SLU7: variants seen among roughly 807,000 people sequenced by gnomAD.
The protein encoded by SLU7 is spliceosome associated SLU7, also known as pre-mRNA-splicing factor SLU7.
In SLU7, 60 loss-of-function variants were observed where a neutral mutation model predicts 87.0. That is an observed-to-expected ratio of 0.69 (90% confidence interval 0.56 to 0.86). SLU7 has a LOEUF of 0.86. SLU7 is among the 40% of genes least tolerant of loss of function. The pLI is 0.00. For missense variants in SLU7, 507 were observed against 686.6 expected (o/e 0.74, Z 2.92); for synonymous variants, 197 against 222.0 (o/e 0.89, Z 1.00).
At chr5:160,403,704 A>C (rs920145424) in intron 15 of SLU7, among the ~76,000 whole-genome samples, 1 of 152,248 alleles carries the variant, frequency 6.6e-6, no homozygotes, top group African/African-American at 2.4e-5. Flanking sequence ...ATGTTGAAGA[A>C]ATTTTATTTA....
intron 1 of SLU7, among the ~76,000 whole-genome samples, chr5:160,417,953 A>G (rs536245748): frequency 3.9e-5 from 6 of 152,132 alleles, no homozygotes; most frequent in African/African-American, 1.4e-4. Context: ...TACTAACTAC[A>G]TAGACCTTCT....
intron 1 of SLU7, among the ~76,000 whole-genome samples, chr5:160,416,628 C>G (rs114411415): frequency 2.0e-5 from 3 of 152,200 alleles, no homozygotes; most frequent in Non-Finnish European, 2.9e-5. Flanking sequence ...CTACATCTAT[C>G]TCATCACTAA....
At chr5:160,405,549 GGA>G (rs1252404450) in intron 12 of SLU7, among the ~76,000 whole-genome samples, 1 of 150,748 alleles carries the variant, frequency 6.6e-6, no homozygotes, top group African/African-American at 2.4e-5. Flanking sequence ...GCTCCTATAG[GGA>G]GTTAGGTTTT....
chr5:160,410,325 C>T (rs1225054621), intron 6 of SLU7, among the ~76,000 whole-genome samples: 2 of 151,708 alleles, frequency 1.3e-5, no homozygotes, highest in Admixed American at 6.6e-5. Context: ...TTTGAGTTCC[C>T]ACTATTTGCT....
intron 11 of SLU7, 61 bp from the exon 12 acceptor site, chr5:160,406,690 A>C: frequency 8.0e-7 from 1 of 1,252,372 alleles, no homozygotes; most frequent in South Asian, 1.5e-5. Context: ...TTAAATTTCC[A>C]GAAAACATTT....
intron 12 of SLU7, 64 bp downstream of exon 12, chr5:160,406,404 G>A (rs1765014433): frequency 8.3e-7 from 1 of 1,202,252 alleles, no homozygotes; most frequent in Non-Finnish European, 1.1e-6. Context: ...TAAAGTTGTA[G>A]TGGAAAAATG....
Position 160,415,231 on chromosome 5 carries a change from A to T in SLU7, c.64T>A (p.Leu22Met). Residue 22 changes from leucine (L) to methionine (M), a missense_variant, in exon 2 of 16, where the codon TTG becomes ATG. This residue lies in a region of SLU7 where 33 missense variants were observed against 37.3 expected (regional missense o/e 0.88). Coordinates refer to ENST00000297151, the MANE Select transcript of SLU7 (RefSeq NM_006425.5). ...CTGGTCATCTTCTTTGGTTCTTCCA[A>T]ACTCATTTCTTTGGACCCCGATAGG... Reference protein sequence around the residue: ...APLSGSKEMSLEEPKKMTRED... With the variant: ...APLSGSKEMSMEEPKKMTRED... 1 of 1,610,714 alleles carries T rather than the reference A, an allele frequency of 6.2e-7. No homozygotes were observed. The highest frequency in any genetic ancestry group is 8.5e-7 in the Non-Finnish European group (1 of 1,178,642).
intron 6 of SLU7, among the ~76,000 whole-genome samples, chr5:160,410,616 TTACA>T (rs1283190105): frequency 4.6e-5 from 7 of 152,086 alleles, no homozygotes; most frequent in Admixed American, 4.6e-4. Flanking sequence ...CATTAGCCCC[TTACA>T]TACATTAAGT....
chr5:160,407,451 T>C lies in SLU7; in HGVS notation c.1125+25A>G, dbSNP rs1765057765. ...GTAACTTCTCTTTAACAGAAGTTCTTCTTTAGCATTTTGGTCAAAATTACC... is the reference window on the plus strand; with the variant it reads ...GTAACTTCTCTTTAACAGAAGTTCTCCTTTAGCATTTTGGTCAAAATTACC... On this transcript the variant is annotated intron_variant, in intron 11 of 15. Transcript: ENST00000297151. This position sits in a 1 kb window ranked among gnomAD's most constrained non-coding sequence, Gnocchi z 4.2. The C allele has an allele frequency of 6.3e-7, 1 of 1,591,220 alleles. No homozygotes were observed. The highest frequency in any genetic ancestry group is 8.5e-7 in the Non-Finnish European group (1 of 1,171,988).
At chr5:160,416,537 G>A (rs1765463981) in intron 1 of SLU7, among the ~76,000 whole-genome samples, 1 of 152,094 alleles carries the variant, frequency 6.6e-6, no homozygotes, top group Non-Finnish European at 1.5e-5. Context: ...TCTTCCCTCT[G>A]AAATCTAATC....
intron 15 of SLU7, among the ~76,000 whole-genome samples, chr5:160,403,694 A>G (rs1474385687): frequency 3.3e-5 from 5 of 152,224 alleles, no homozygotes; most frequent in Non-Finnish European, 5.9e-5. Flanking sequence ...TTTTAAATCA[A>G]TGTTGAAGAA....
Position 160,402,422 on chromosome 5 carries a change from G to C in SLU7, c.*863C>G, listed in dbSNP as rs919971035. 5 of 152,134 alleles carry C rather than the reference G, an allele frequency of 3.3e-5. No homozygotes were observed. The highest frequency in any genetic ancestry group is 6.5e-5 in the Admixed American group (1 of 15,286). 9.4% of individuals were successfully genotyped at this position (152,134 alleles called of 1,614,324 possible). A position where few individuals can be genotyped will look rare whatever the true frequency, so the allele number is the denominator to read the frequency against. On this transcript the variant is annotated 3_prime_UTR_variant, in exon 16 of 16. Transcript: ENST00000297151. ...AGTCTACTCCAGAGGCCAAGGAAGAGAGAATCGCTTGAGCCCAAGACTGCA... is the reference window on the plus strand; with the variant it reads ...AGTCTACTCCAGAGGCCAAGGAAGACAGAATCGCTTGAGCCCAAGACTGCA...
At chr5:160,406,166 T>A (rs1765000873) in intron 12 of SLU7, among the ~76,000 whole-genome samples, 1 of 152,234 alleles carries the variant, frequency 6.6e-6, no homozygotes, top group South Asian at 2.1e-4. Flanking sequence ...ATAAACTATA[T>A]GTGTGTATAT....
intron 2 of SLU7, among the ~76,000 whole-genome samples, chr5:160,414,872 G>C (rs1178598721): frequency 1.3e-5 from 2 of 152,140 alleles, no homozygotes; most frequent in African/African-American, 4.8e-5. Context: ...ACTCAAAATA[G>C]AAAGATTTCA....
Position 160,414,430 on chromosome 5 carries a change from T to A in SLU7, c.213A>T (p.Pro71=). Residue 71 remains proline (P), a synonymous_variant, in exon 3 of 16, where the codon CCA becomes CCT. Coordinates refer to ENST00000297151, the MANE Select transcript of SLU7 (RefSeq NM_006425.5). The part of the protein sequence containing the change: ...PHIPQYISSV[P]WYIDPSKRPT... ...GTCTTTTTGAAGGATCAATATACCA[T>A]GGCACTGAAGAAATATACTGAGGAA... is the stretch of plus-strand genomic sequence containing the variant. 1 of 1,607,644 alleles carries A rather than the reference T, an allele frequency of 6.2e-7. No homozygotes were observed. Among genetic ancestry groups the A allele is most frequent in the South Asian group, 1.1e-5 (1 of 90,414 alleles).
chr5:160,415,647 G>A (rs1293004317), intron 1 of SLU7, among the ~76,000 whole-genome samples: 1 of 152,094 alleles, frequency 6.6e-6, no homozygotes, highest in East Asian at 1.9e-4. Flanking sequence ...TCCTATCTCT[G>A]TACCCCTTCA....
At chr5:160,403,495 A>G in intron 15 of SLU7, 31 bp from the exon 16 acceptor site, 2 of 1,547,214 alleles carry the variant, frequency 1.3e-6, no homozygotes, top group South Asian at 2.5e-5. Flanking sequence ...TGTGTATCAC[A>G]GCTCTACATC....
intron 6 of SLU7, among the ~76,000 whole-genome samples, chr5:160,409,788 C>A (rs550662572): frequency 2.0e-5 from 3 of 152,090 alleles, no homozygotes; most frequent in Admixed American, 2.0e-4. Context: ...CGTTTCCTAA[C>A]TTTTTTGATT....
rs200289119 is a variant in SLU7 at position 160,413,341 on chromosome 5, T to C, written c.570+115A>G. ...GGTAGCCTATACAGTAGTACTACTA[T>C]TATAAAAATGCTACCATTTTTAAAG... is the stretch of plus-strand genomic sequence containing the variant. On this transcript the variant is annotated intron_variant, in intron 5 of 15. Transcript: ENST00000297151. The C allele has an allele frequency of 2.2e-5, 16 of 730,934 alleles. 1 individual carries two copies. In the South Asian group the frequency reaches 2.9e-4, roughly 13 times the overall value. 45.3% of individuals were successfully genotyped at this position (730,934 alleles called of 1,614,324 possible). A position where few individuals can be genotyped will look rare whatever the true frequency, so the allele number is the denominator to read the frequency against.
Sources: allele counts gnomAD v4.1 joint callset (sites outside exome capture counted in the v4.1 genomes callset), GRCh38; gene constraint gnomAD v4.1.1; regional missense constraint gnomAD v4.1.1; non-coding constraint Gnocchi (gnomAD v3.1); transcripts MANE v1.5; gene names NCBI Gene and HGNC (gene_info 2026-07-23, HGNC 2026-07-21).